CCDC80: variants seen among roughly 807,000 people sequenced by gnomAD.
CCDC80 encodes coiled-coil domain-containing protein 80.
CCDC80 carries 49 observed loss-of-function variants against 78.7 expected under a neutral mutation model. That is an observed-to-expected ratio of 0.62 (90% confidence interval 0.50 to 0.79). CCDC80 has a LOEUF of 0.79. Ranked by LOEUF, CCDC80 falls within the 30% of genes least tolerant of loss-of-function variation. The pLI is 0.00. For missense variants in CCDC80, 1,205 were observed against 1,198.6 expected, an observed-to-expected ratio of 1.01 and a Z score of -0.08; for synonymous variants, 488 against 447.0, an observed-to-expected ratio of 1.09 and a Z score of -1.16.
chr3:112,631,504 A>G (rs1232330054), intron 2 of CCDC80, among the ~76,000 whole-genome samples: 1 of 152,200 alleles, frequency 6.6e-6, no homozygotes, highest in Non-Finnish European at 1.5e-5. Flanking sequence ...AACTTTTTGC[A>G]TTTGACTAAA....
In CCDC80 at chr3:112,618,887, T is replaced by C. The variant is rs1935805789; in HGVS notation, c.2172+81A>G. 4.2e-6 allele frequency: 6 copies of C among 1,436,626 alleles called. No individual in the cohort carries two copies. The Admixed American group carries it at 1.2e-4, about 29-fold the overall frequency. 89.0% of individuals were successfully genotyped at this position (1,436,626 alleles called of 1,614,324 possible). A position where few individuals can be genotyped will look rare whatever the true frequency, so the allele number is the denominator to read the frequency against. On this transcript the variant is annotated intron_variant, in intron 4 of 7. Coordinates refer to ENST00000206423, the MANE Select transcript of CCDC80 (RefSeq NM_199511.3). ...AAAATAATTTATGCTTACTCGTACA[T>C]TGAATGGACTGTTTAACAAAACAAT...
rs771478818 is a variant in CCDC80 at position 112,607,237 on chromosome 3, A to G, written c.2445T>C (p.Ile815=). 6.2e-7 allele frequency: 1 copy of G among 1,614,030 alleles called. No individual in the cohort carries two copies. Among genetic ancestry groups the G allele is most frequent in the Non-Finnish European group, 8.5e-7 (1 of 1,179,926 alleles). Residue 815 remains isoleucine, a synonymous_variant, in exon 7 of 8, where the codon ATT becomes ATC. Coordinates refer to ENST00000206423, the MANE Select transcript of CCDC80 (RefSeq NM_199511.3). ...CCTCTCCAACGCCTAAAAGCTTCAG[A>G]ATGGTTATGTGGCGCAGACCTGAGA... ...ACNFGLRHIT[I]LKLLGVGEEV...
At chr3:112,624,437 T>C (rs1356815474) in intron 3 of CCDC80, among the ~76,000 whole-genome samples, 1 of 152,198 alleles carries the variant, frequency 6.6e-6, no homozygotes, top group Non-Finnish European at 1.5e-5. Context: ...GAGCAGTCCA[T>C]GGCAGGTTAT....
chr3:112,606,158 TTAA>T (rs1323725709), intron 7 of CCDC80, among the ~76,000 whole-genome samples: 1 of 152,262 alleles, frequency 6.6e-6, no homozygotes, highest in South Asian at 2.1e-4. Context: ...TTGACACATC[TTAA>T]TGATAAAAAG....
intron 5 of CCDC80, among the ~76,000 whole-genome samples, chr3:112,611,671 T>G (rs1935631510): frequency 6.6e-6 from 1 of 152,226 alleles, no homozygotes; most frequent in South Asian, 2.1e-4. Context: ...GCTGGTGCTA[T>G]CAGGGTCTGC....
chr3:112,602,686 A>G lies in CCDC80; in HGVS notation c.*2731T>C, dbSNP rs1169442718. 2.0e-5 allele frequency: 3 copies of G among 152,266 alleles called. No individual in the cohort carries two copies. Among genetic ancestry groups the G allele is most frequent in the South Asian group, 2.1e-4 (1 of 4,830 alleles). 9.4% of individuals were successfully genotyped at this position (152,266 alleles called of 1,614,324 possible). A position where few individuals can be genotyped will look rare whatever the true frequency, so the allele number is the denominator to read the frequency against. The stretch of plus-strand genomic sequence containing the variant: ...CAAGGCCCTAACTCTCTTCAATTCT[A>G]TGAAAGCTAAAGGGAGGTGAGGAAG... On this transcript the variant is annotated 3_prime_UTR_variant, in exon 8 of 8. Coordinates refer to ENST00000206423, the MANE Select transcript of CCDC80 (RefSeq NM_199511.3).
chr3:112,605,192 A>G lies in CCDC80; in HGVS notation c.*225T>C, dbSNP rs926316624. 5 of 434,890 alleles carry G rather than the reference A, an allele frequency of 1.1e-5. No individual in the cohort carries two copies. Among genetic ancestry groups the G allele is most frequent in the African/African-American group, 2.0e-5 (1 of 49,494 alleles). 26.9% of individuals were successfully genotyped at this position (434,890 alleles called of 1,614,324 possible). Reference sequence around the variant, plus strand: ...ATTTTCAGTACTATTATTTAGCACTAGAGCCCCTCCAGTTAGAAAAACAAT... The same window carrying G: ...ATTTTCAGTACTATTATTTAGCACTGGAGCCCCTCCAGTTAGAAAAACAAT... On this transcript the variant is annotated 3_prime_UTR_variant, in exon 8 of 8. Transcript: ENST00000206423.
At chr3:112,617,440 A>T (rs1024811390) in intron 4 of CCDC80, among the ~76,000 whole-genome samples, 3 of 152,248 alleles carry the variant, frequency 2.0e-5, no homozygotes, top group Non-Finnish European at 4.4e-5. Flanking sequence ...TTACAAAAGC[A>T]ACCTGAGATG....
At chr3:112,636,084 G>A (rs1331833064) in intron 2 of CCDC80, among the ~76,000 whole-genome samples, 1 of 152,148 alleles carries the variant, frequency 6.6e-6, no homozygotes, top group Non-Finnish European at 1.5e-5. Context: ...GGAACATTTT[G>A]CCTGCCCTGT....
intron 7 of CCDC80, among the ~76,000 whole-genome samples, 161 bp downstream of exon 7, chr3:112,607,015 C>T (rs970170712): frequency 2.0e-5 from 3 of 152,138 alleles, no homozygotes; most frequent in African/African-American, 7.2e-5. Context: ...CCCTACATAT[C>T]CCGTGCACAC....
Position 112,600,017 on chromosome 3 carries a change from A to G in CCDC80, c.*5400T>C, listed in dbSNP as rs1297709913. The G allele has an allele frequency of 6.6e-6, 1 of 152,142 alleles. No individual in the cohort carries two copies. The highest frequency in any genetic ancestry group is 1.5e-5 in the Non-Finnish European group (1 of 68,014). The allele number at this position is 152,142 out of a possible 1,614,324, so 9.4% of individuals were successfully genotyped here. A position where few individuals can be genotyped will look rare whatever the true frequency, so the allele number is the denominator to read the frequency against. Reference sequence around the variant, plus strand: ...AAACTGTATTTTATTTTTCTCATTTATTTGGGAGTTTGGTAAGAAACGTTT... The same window carrying G: ...AAACTGTATTTTATTTTTCTCATTTGTTTGGGAGTTTGGTAAGAAACGTTT... On this transcript the variant is annotated 3_prime_UTR_variant, in exon 8 of 8. Coordinates refer to ENST00000206423, the MANE Select transcript of CCDC80 (RefSeq NM_199511.3).
At chr3:112,626,119 A>G (rs1935965818) in intron 3 of CCDC80, among the ~76,000 whole-genome samples, 1 of 152,222 alleles carries the variant, frequency 6.6e-6, no homozygotes, top group African/African-American at 2.4e-5. Flanking sequence ...ATTGGTCTTG[A>G]CACTGATATG....
chr3:112,625,471 T>C (rs1049761640), intron 3 of CCDC80, among the ~76,000 whole-genome samples: 1 of 152,222 alleles, frequency 6.6e-6, no homozygotes, highest in Non-Finnish European at 1.5e-5. Context: ...GCTCTATGTA[T>C]GTGTGATATA....
Position 112,639,247 on chromosome 3 carries a change from G to A in CCDC80, c.659C>T (p.Pro220Leu). 6.2e-7 allele frequency: 1 copy of A among 1,614,168 alleles called. No individual in the cohort carries two copies. Among genetic ancestry groups the A allele is most frequent in the Non-Finnish European group, 8.5e-7 (1 of 1,180,020 alleles). ...LEQPLDPSLI[P>L]KLMSFLKLEK... ...CAGCTTCAGGAAGCTCATCAGCTTA[G>A]GGATGAGGCTAGGGTCCAGGGGCTG... The change falls in exon 2 of 8, where the codon CCT (proline) becomes CTT (leucine). Residue 220 changes from proline to leucine, a missense_variant. Transcript: ENST00000206423.
chr3:112,639,572 C>G lies in CCDC80; in HGVS notation c.334G>C (p.Gly112Arg). 6.2e-7 allele frequency: 1 copy of G among 1,614,152 alleles called. No homozygotes were observed. Among genetic ancestry groups the G allele is most frequent in the South Asian group, 1.1e-5 (1 of 91,082 alleles). The stretch of plus-strand genomic sequence containing the variant: ...TCTCTGATCATCTCACGCGGAGAGC[C>G]CCTGGCTGCTGGTCTTTGCTCAGGT... ...VRPEQRPAAR[G>R]SPREMIRDEG... Residue 112 changes from glycine (G) to arginine (R), a missense_variant, in exon 2 of 8, where the codon GGC becomes CGC. Coordinates refer to ENST00000206423, the MANE Select transcript of CCDC80 (RefSeq NM_199511.3).
At position 112,598,518 on chromosome 3, in the gene CCDC80, A is replaced by T. The variant is rs1025063744; in HGVS notation, c.*6899T>A. ...AGAACGTTTGCCCATGGGCAGTCTT[A>T]GCTATTTAAAATCACCCACTTCTTC... On this transcript the variant is annotated 3_prime_UTR_variant, in exon 8 of 8. Coordinates refer to ENST00000206423, the MANE Select transcript of CCDC80 (RefSeq NM_199511.3). 6.6e-6 allele frequency: 1 copy of T among 152,382 alleles called. No individual in the cohort carries two copies. The highest frequency in any genetic ancestry group is 2.4e-5 in the African/African-American group (1 of 41,468). The allele number at this position is 152,382 out of a possible 1,614,324, so 9.4% of individuals were successfully genotyped here.
chr3:112,619,084 C>G lies in CCDC80; in HGVS notation c.2056G>C (p.Val686Leu), dbSNP rs769318377. ...TCTACCAAGTCTTCATCATCCACCA[C>G]TCGCATGGGCTTCTCATTATCTTAA... ...FQLDNEKPMR[V>L]VDDEDLVDQR... Residue 686 changes from valine to leucine, a missense_variant, in exon 4 of 8, where the codon GTG (valine) becomes CTG (leucine). By Grantham distance (32) the Val-to-Leu change is conservative. Coordinates refer to ENST00000206423, the MANE Select transcript of CCDC80 (RefSeq NM_199511.3). 6.3e-7 allele frequency: 1 copy of G among 1,594,442 alleles called. No individual in the cohort carries two copies. Among genetic ancestry groups the G allele is most frequent in the Non-Finnish European group, 8.5e-7 (1 of 1,173,134 alleles).
chr3:112,607,517 C>A (rs902726326), intron 6 of CCDC80, among the ~76,000 whole-genome samples: 1 of 152,084 alleles, frequency 6.6e-6, no homozygotes, highest in Non-Finnish European at 1.5e-5. Flanking sequence ...CTGGGCGCGG[C>A]GGCTCATGCC....
Position 112,638,714 on chromosome 3 carries a change from T to C in CCDC80, c.1192A>G (p.Thr398Ala), listed in dbSNP as rs150857055. The C allele has an allele frequency of 9.7e-5, 156 of 1,613,726 alleles. No individual in the cohort carries two copies. The highest frequency in any genetic ancestry group is 1.2e-4 in the Non-Finnish European group (147 of 1,179,926). ...CTGGCAGTGATCACCTCAGTGGTTG[T>C]AGGGGGCCTGTGGGAGGGTGAGGGG... ...WTPSPSHRPP[T>A]TTEVITARRP... Residue 398 changes from threonine (T) to alanine (A), a missense_variant, in exon 2 of 8, where the codon ACA (threonine) becomes GCA (alanine). Transcript: ENST00000206423.
Sources: gnomAD v4.1 joint callset for allele counts (sites outside exome capture counted in the v4.1 genomes callset) on GRCh38, gnomAD v4.1.1 for gene constraint, MANE v1.5 for transcripts, NCBI Gene and HGNC (gene_info 2026-07-23, HGNC 2026-07-21) for gene names.